DNM3: variants seen among roughly 807,000 people sequenced by gnomAD.
DNM3 encodes the protein dynamin-3.
DNM3 carries 47 observed loss-of-function variants against 101.6 expected under a neutral mutation model. That is an observed-to-expected ratio of 0.46 (90% CI 0.37 to 0.59). The LOEUF (loss-of-function observed/expected upper bound fraction) is 0.59. Ranked by LOEUF, DNM3 falls within the 20% of genes least tolerant of loss-of-function variation. The pLI is 0.00. For missense variants in DNM3, 849 were observed against 1,085.7 expected, an observed-to-expected ratio of 0.78 and a Z score of 3.06; for synonymous variants, 385 against 387.9, an observed-to-expected ratio of 0.99 and a Z score of 0.09.
rs1372449952 is a variant in DNM3 at position 172,372,606 on chromosome 1, G to A, written c.1894-6412G>A. Among the ~76,000 whole-genome samples, 10 of 108,038 alleles carry A rather than the reference G, an allele frequency of 9.3e-5. No homozygotes were observed. The East Asian group carries it at 1.8e-3, about 20-fold the overall frequency. 70.9% of individuals were successfully genotyped at this position (108,038 alleles called of 152,430 possible). ...TATTGCTAGAAATTATATTTAATTA[G>A]ATAGATAATGTTACCATATCACTTT... is the stretch of plus-strand genomic sequence containing the variant. On this transcript the variant is annotated intron_variant, in intron 17 of 20. Transcript: ENST00000627582.
At chr1:172,355,892 C>T (rs906636346) in intron 17 of DNM3, among the ~76,000 whole-genome samples, 2 of 152,030 alleles carry the variant, frequency 1.3e-5, no homozygotes, top group African/African-American at 4.8e-5. Context: ...AGGAAGACCA[C>T]AGATAACATC....
At position 172,038,610 on chromosome 1, in the gene DNM3, ATGCTTTGT is replaced by A. The variant is rs2049136975; in HGVS notation, c.992+152_992+159del. Reference sequence around the variant, plus strand: ...GATACAAGATAACTCTTGAATTTTTATGCTTTGTTGAACAAGAATTATTGGTATTATTC... The same window carrying A: ...GATACAAGATAACTCTTGAATTTTTATGAACAAGAATTATTGGTATTATTC... On this transcript the variant is annotated intron_variant, in intron 7 of 20. Transcript: ENST00000627582. The A allele has an allele frequency of 2.8e-6, 3 of 1,090,548 alleles. No individual in the cohort carries two copies. The Admixed American group carries it at 8.4e-5, about 30-fold the overall frequency. The allele number at this position is 1,090,548 out of a possible 1,614,324, so 67.6% of individuals were successfully genotyped here.
At chr1:171,844,960 C>A (rs1316899282) in intron 1 of DNM3, among the ~76,000 whole-genome samples, 1 of 152,158 alleles carries the variant, frequency 6.6e-6, no homozygotes, top group Non-Finnish European at 1.5e-5. Flanking sequence ...ATTCTGGGTG[C>A]TTTTATATGA....
intron 4 of DNM3, among the ~76,000 whole-genome samples, chr1:172,008,726 A>T (rs1189509860): frequency 1.4e-5 from 2 of 146,452 alleles, no homozygotes; most frequent in African/African-American, 5.0e-5. Context: ...TTTGTCTGAA[A>T]CCAATTATGT....
At chr1:172,404,243 AT>A (rs2070719567) in intron 20 of DNM3, among the ~76,000 whole-genome samples, 1 of 152,076 alleles carries the variant, frequency 6.6e-6, no homozygotes, top group African/African-American at 2.4e-5. Flanking sequence ...TATTATTTTA[AT>A]TATTAATTCA....
At chr1:172,403,509 G>A (rs1031400540) in intron 20 of DNM3, among the ~76,000 whole-genome samples, 17 of 152,090 alleles carry the variant, frequency 1.1e-4, no homozygotes, top group Non-Finnish European at 2.2e-4. Context: ...AATAAGGCAA[G>A]AAAACAATGA....
chr1:172,390,490 TA>T (rs1387388942), intron 20 of DNM3, among the ~76,000 whole-genome samples: 1 of 152,146 alleles, frequency 6.6e-6, no homozygotes, highest in Non-Finnish European at 1.5e-5. Context: ...CTGTGTATTG[TA>T]AGATGTTTAG....
chr1:172,285,407 G>A (rs1228188578), intron 15 of DNM3, among the ~76,000 whole-genome samples: 1 of 152,126 alleles, frequency 6.6e-6, no homozygotes, highest in African/African-American at 2.4e-5. Context: ...AATGTTAGCA[G>A]TGGGGTGCTG....
At chr1:172,136,658 A>G (rs1220116971) in intron 14 of DNM3, 1 of 152,126 alleles carries the variant, frequency 6.6e-6, no homozygotes, top group African/African-American at 2.4e-5. Flanking sequence ...ATGTTCTGGT[A>G]TTATCTAAAG....
At position 172,296,761 on chromosome 1, in the gene DNM3, TC is replaced by T. The variant is rs772772427; in HGVS notation, c.1770-11966del. Among the ~76,000 whole-genome samples the T allele has an allele frequency of 5.3e-5, 8 of 152,320 alleles. No homozygotes were observed. In the South Asian group the frequency reaches 1.7e-3, roughly 32 times the overall value. On this transcript the variant is annotated intron_variant, in intron 15 of 20. Coordinates refer to ENST00000627582, the MANE Select transcript of DNM3 (RefSeq NM_015569.5). ...GGCTCTGCTCCTAATGTGAATGGAG[TC>T]TTTTCCCATTTCCTAAGTTATTTGT...
At chr1:172,001,208 G>A (rs568389430) in intron 4 of DNM3, among the ~76,000 whole-genome samples, 4 of 152,142 alleles carry the variant, frequency 2.6e-5, no homozygotes, top group South Asian at 2.1e-4. Flanking sequence ...GCTTTTGATC[G>A]TATTGAGTTT....
intron 18 of DNM3, 101 bp downstream of exon 18, chr1:172,379,283 A>C (rs2068767136): frequency 2.0e-6 from 2 of 1,004,668 alleles, no homozygotes; most frequent in Non-Finnish European, 2.9e-6. Context: ...TGGATAGTTC[A>C]AATAATATTA....
intron 15 of DNM3, among the ~76,000 whole-genome samples, chr1:172,279,447 A>C (rs2063405131): frequency 6.6e-6 from 1 of 152,134 alleles, no homozygotes. Context: ...ATTTCCAGCA[A>C]GATCCTGAAC....
rs2063685934 is a variant in DNM3 at position 172,286,067 on chromosome 1, T to TA, written c.1770-22661_1770-22660insA. ...TTTTTAGAACTTTTAAAGTGAGTTA[T>TA]TTATATATATATATATATACTATTA... On this transcript the variant is annotated intron_variant, in intron 15 of 20. Transcript: ENST00000627582. Among the ~76,000 whole-genome samples the TA allele has an allele frequency of 6.6e-5, 7 of 106,078 alleles. No individual in the cohort carries two copies. In the South Asian group the frequency reaches 1.2e-3, roughly 17 times the overall value. The allele number at this position is 106,078 out of a possible 152,430, so 69.6% of individuals were successfully genotyped here. A position where few individuals can be genotyped will look rare whatever the true frequency, so the allele number is the denominator to read the frequency against.
chr1:172,323,261 C>T (rs996335204), intron 16 of DNM3, 68 bp from the exon 17 acceptor site: 3 of 1,476,134 alleles, frequency 2.0e-6, no homozygotes, highest in South Asian at 1.3e-5. Context: ...AGAAAAAACC[C>T]TCATAATTTT....
chr1:172,372,707 AG>A (rs1359968523), intron 17 of DNM3, among the ~76,000 whole-genome samples: 1 of 116,400 alleles, frequency 8.6e-6, no homozygotes, highest in African/African-American at 3.4e-5. Context: ...TTTTGGAAAG[AG>A]AGTCTTGCTT....
At chr1:171,885,720 A>G (rs112923541) in intron 1 of DNM3, among the ~76,000 whole-genome samples, 1 of 152,044 alleles carries the variant, frequency 6.6e-6, no homozygotes, top group East Asian at 1.9e-4. Flanking sequence ...CTGGGACTCT[A>G]AAATTCTCTG....
chr1:171,964,244 C>T (rs1012713681), intron 2 of DNM3, among the ~76,000 whole-genome samples: 1 of 152,130 alleles, frequency 6.6e-6, no homozygotes, highest in African/African-American at 2.4e-5. Context: ...AAGAGTCTGG[C>T]ACCTTTTTAA....
At chr1:172,056,995 T>C (rs2050692648) in intron 10 of DNM3, among the ~76,000 whole-genome samples, 1 of 151,834 alleles carries the variant, frequency 6.6e-6, no homozygotes, top group South Asian at 2.1e-4. Flanking sequence ...AGAGAAGTGC[T>C]TAAAGGAGCT....
Sources: allele counts gnomAD v4.1 joint callset (sites outside exome capture counted in the v4.1 genomes callset), GRCh38; gene constraint gnomAD v4.1.1; transcripts MANE v1.5; gene names NCBI Gene and HGNC (gene_info 2026-07-23, HGNC 2026-07-21).